CADM2: variants seen among roughly 807,000 people sequenced by gnomAD.
CADM2 encodes cell adhesion molecule 2, also known as immunoglobulin superfamily member 4D.
A neutral mutation model predicts 49.8 loss-of-function variants in CADM2; 12 were observed. The observed-to-expected ratio is 0.24, with a 90% CI of 0.15 to 0.39. The LOEUF (loss-of-function observed/expected upper bound fraction) is 0.39, where lower values mean the gene tolerates loss of function less well. Among genes scored for constraint, CADM2 ranks in the 10% least tolerant of loss-of-function variants. The pLI is 1.00. For synonymous variants in CADM2, 214 were observed against 175.4 expected (o/e 1.22, Z -1.74); for missense variants, 378 against 492.3 (o/e 0.77, Z 2.20).
At chr3:85,660,296 G>A (rs148187030) in intron 1 of CADM2, among the ~76,000 whole-genome samples, 4 of 152,210 alleles carry the variant, frequency 2.6e-5, no homozygotes, top group South Asian at 2.1e-4. Context: ...TCAGTGGCAG[G>A]GAGGAGGCAG....
At chr3:85,107,697 C>A (rs1488500080) in intron 1 of CADM2, among the ~76,000 whole-genome samples, 2 of 91,794 alleles carry the variant, frequency 2.2e-5, no homozygotes, top group Admixed American at 2.7e-4. Flanking sequence ...TTCTTTCTTT[C>A]TCTTTCTTTT....
intron 1 of CADM2, among the ~76,000 whole-genome samples, chr3:85,156,525 C>T (rs2040128621): frequency 6.6e-6 from 1 of 152,000 alleles, no homozygotes; most frequent in African/African-American, 2.4e-5. Flanking sequence ...GATGGATTCA[C>T]AGCCAAATTC....
intron 1 of CADM2, among the ~76,000 whole-genome samples, chr3:85,548,809 T>G (rs2061731009): frequency 6.6e-6 from 1 of 152,182 alleles, no homozygotes; most frequent in African/African-American, 2.4e-5. Context: ...GCTGAGCATA[T>G]AATTAGAGTC....
At position 84,984,356 on chromosome 3, in the gene CADM2, T is replaced by TAAAAAAAAAA. The variant is rs375702349; in HGVS notation, c.61+24708_61+24717dup. 2.0e-3 allele frequency among the ~76,000 whole-genome samples: 137 copies of TAAAAAAAAAA among 67,064 alleles called. 12 individuals are homozygous for TAAAAAAAAAA. The highest frequency in any genetic ancestry group is 8.1e-3 in the African/African-American group (108 of 13,336). The allele number at this position is 67,064 out of a possible 152,430, so 44.0% of individuals were successfully genotyped here. ...CCTCATAGCCACCTCAAGATTAAGCTAAAAAAAAAAAAAAAAAAAAAAAAA... is the reference window on the plus strand; with the variant it reads ...CCTCATAGCCACCTCAAGATTAAGCTAAAAAAAAAAAAAAAAAAAAAAAAAAAAAAAAAAA... On this transcript the variant is annotated intron_variant, in intron 1 of 9. Transcript: ENST00000383699.
At chr3:85,514,013 G>A (rs562540681) in intron 1 of CADM2, among the ~76,000 whole-genome samples, 5 of 152,108 alleles carry the variant, frequency 3.3e-5, no homozygotes, top group South Asian at 4.1e-4. Flanking sequence ...GTCAAGCATC[G>A]TTAACTTCTA....
chr3:85,901,669 A>C (rs1468647354), intron 5 of CADM2, among the ~76,000 whole-genome samples: 5 of 152,176 alleles, frequency 3.3e-5, no homozygotes, highest in Admixed American at 1.3e-4. Flanking sequence ...TATAATTCAC[A>C]TCATCAAATT....
In CADM2 at chr3:85,961,609, T is replaced by C. The variant is rs1724827429; in HGVS notation, c.932T>C (p.Ile311Thr). The part of the protein sequence containing the change: ...GTYRCEATNT[I>T]GQSSAEYVLI... ...TATCGATGTGAAGCCACAAACACCA[T>C]TGGCCAAAGCAGTGCGGAATATGTT... is the stretch of plus-strand genomic sequence containing the variant. The change falls in exon 8 of 10, where the codon ATT becomes ACT. Residue 311 changes from isoleucine (I) to threonine (T), a missense_variant. Coordinates refer to ENST00000383699, the MANE Select transcript of CADM2 (RefSeq NM_001167675.2). 6.2e-7 allele frequency: 1 copy of C among 1,603,402 alleles called. No individual in the cohort carries two copies. The highest frequency in any genetic ancestry group is 8.5e-7 in the Non-Finnish European group (1 of 1,172,682).
intron 1 of CADM2, chr3:85,385,635 C>T (rs1347451747): frequency 6.6e-6 from 1 of 151,386 alleles, no homozygotes; most frequent in African/African-American, 2.4e-5. Context: ...TATTTTTTTT[C>T]AGTGGAGAGA....
chr3:86,049,749 C>T (rs1177727836), intron 8 of CADM2, among the ~76,000 whole-genome samples: 1 of 152,080 alleles, frequency 6.6e-6, no homozygotes, highest in East Asian at 1.9e-4. Context: ...TTTTAAACAA[C>T]CAGATCTCAT....
At position 85,127,476 on chromosome 3, in the gene CADM2, T is replaced by TG. The variant is rs567611617; in HGVS notation, c.61+167808_61+167809insG. Among the ~76,000 whole-genome samples the TG allele has an allele frequency of 2.6e-5, 4 of 152,238 alleles. No individual in the cohort carries two copies. The South Asian group carries it at 8.3e-4, about 31-fold the overall frequency. ...ACCTCATTTGAAGAATGGTATATGA[T>TG]TGGCTTTGCCCGTTTCTGACAGGGA... On this transcript the variant is annotated intron_variant, in intron 1 of 9. Coordinates refer to ENST00000383699, the MANE Select transcript of CADM2 (RefSeq NM_001167675.2).
At chr3:85,043,517 A>C (rs1477223283) in intron 1 of CADM2, among the ~76,000 whole-genome samples, 1 of 151,842 alleles carries the variant, frequency 6.6e-6, no homozygotes, top group East Asian at 1.9e-4. Context: ...CCATCTCTCA[A>C]AAAAGTAAAA....
chr3:85,354,629 A>AGAGAGAGAGAGAGAGAGAGAGAGT (rs2031694279), intron 1 of CADM2, among the ~76,000 whole-genome samples: 1 of 151,242 alleles, frequency 6.6e-6, no homozygotes, highest in Non-Finnish European at 1.5e-5. Context: ...AGAGAGAGAG[A>AGAGAGAGAGAGAGAGAGAGAGAGT]GAGAGAGAGA....
intron 2 of CADM2, among the ~76,000 whole-genome samples, chr3:85,759,353 C>A (rs1407618134): frequency 6.6e-6 from 1 of 151,990 alleles, no homozygotes; most frequent in African/African-American, 2.4e-5. Flanking sequence ...TGTTTTAACA[C>A]ACGAATATGG....
intron 8 of CADM2, among the ~76,000 whole-genome samples, chr3:86,046,538 T>C (rs1024880955): frequency 6.6e-6 from 1 of 151,956 alleles, no homozygotes; most frequent in African/African-American, 2.4e-5. Context: ...GGAGTACTGG[T>C]ATCTAGTGGT....
intron 1 of CADM2, among the ~76,000 whole-genome samples, chr3:85,548,386 G>A (rs951760439): frequency 3.3e-5 from 5 of 151,684 alleles, no homozygotes; most frequent in African/African-American, 1.2e-4. Flanking sequence ...AACTGTTTTA[G>A]CCTGTGGCTT....
intron 1 of CADM2, among the ~76,000 whole-genome samples, chr3:85,563,048 T>C (rs1035031807): frequency 1.3e-5 from 2 of 152,206 alleles, no homozygotes; most frequent in African/African-American, 4.8e-5. Flanking sequence ...AAACTGATGC[T>C]ACAGTATCAC....
At chr3:85,756,487 C>T (rs1232233177) in intron 2 of CADM2, among the ~76,000 whole-genome samples, 1 of 152,056 alleles carries the variant, frequency 6.6e-6, no homozygotes, top group Admixed American at 6.6e-5. Context: ...TTTTATTTGA[C>T]ATTGTCAGTT....
At chr3:85,641,685 G>T (rs2107553253) in intron 1 of CADM2, among the ~76,000 whole-genome samples, 1 of 152,106 alleles carries the variant, frequency 6.6e-6, no homozygotes, top group Non-Finnish European at 1.5e-5. Context: ...CCAGCACTTT[G>T]GGAGGCTGAG....
rs1194031817 is a variant in CADM2, at chr3:85,541,710, ATTTTATAT to A, written c.62-184810_62-184803del. On this transcript the variant is annotated intron_variant, in intron 1 of 9. Coordinates refer to ENST00000383699, the MANE Select transcript of CADM2 (RefSeq NM_001167675.2). ...GTTGAGGGAATTAAATTATATATAT[ATTTTATAT>A]TATATATATATATTTTATATATATA... 4.1e-4 allele frequency among the ~76,000 whole-genome samples: 56 copies of A among 138,190 alleles called. 1 individual carries two copies. The highest frequency in any genetic ancestry group is 1.5e-3 in the African/African-American group (55 of 36,626). The allele number at this position is 138,190 out of a possible 152,430, so 90.7% of individuals were successfully genotyped here.
Sources: allele counts gnomAD v4.1 joint callset (sites outside exome capture counted in the v4.1 genomes callset), GRCh38; gene constraint gnomAD v4.1.1; transcripts MANE v1.5; gene names NCBI Gene and HGNC (gene_info 2026-07-23, HGNC 2026-07-21).